Variants in ZFAND3 observed in about 807,000 individuals in gnomAD.
ZFAND3 encodes the protein AN1-type zinc finger protein 3.
Under a neutral mutation model 29.6 loss-of-function variants are expected in ZFAND3, and 10 were observed. The ratio of observed to expected loss-of-function variants is 0.34; its 90% CI spans 0.21 to 0.57. The LOEUF (loss-of-function observed/expected upper bound fraction) is 0.57. ZFAND3 is among the 20% of genes least tolerant of loss of function. The probability of loss-of-function intolerance (pLI) is 0.86; values close to 1 mark genes in which losing one functional copy is unlikely to be tolerated. For missense variants in ZFAND3, 230 were observed against 304.5 expected (o/e 0.76, Z 1.82); for synonymous variants, 128 against 112.6 (o/e 1.14, Z -0.87).
intron 1 of ZFAND3, among the ~76,000 whole-genome samples, chr6:37,844,424 G>T (rs1205571910): frequency 6.6e-6 from 1 of 151,960 alleles, no homozygotes; most frequent in Admixed American, 6.6e-5. Flanking sequence ...TGGGACTACA[G>T]GCGCCCGCCA....
At chr6:38,080,384 T>G (rs185054383) in intron 3 of ZFAND3, among the ~76,000 whole-genome samples, 1 of 152,134 alleles carries the variant, frequency 6.6e-6, no homozygotes, top group African/African-American at 2.4e-5. Context: ...TGAACGTTAT[T>G]AAGCATTCAC....
intron 2 of ZFAND3, among the ~76,000 whole-genome samples, chr6:37,933,556 T>G (rs1283620803): frequency 6.6e-6 from 1 of 152,136 alleles, no homozygotes; most frequent in African/African-American, 2.4e-5. Context: ...ATATGCAGAG[T>G]GACAGTTGCT....
At chr6:38,003,404 T>G (rs532499016) in intron 2 of ZFAND3, 1 of 156,734 alleles carries the variant, frequency 6.4e-6, no homozygotes, top group Non-Finnish European at 1.4e-5. Flanking sequence ...TTAATTTAGT[T>G]TATAATAATT....
intron 4 of ZFAND3, among the ~76,000 whole-genome samples, chr6:38,113,568 A>C (rs1172509604): frequency 6.6e-6 from 1 of 152,140 alleles, no homozygotes; most frequent in Non-Finnish European, 1.5e-5. Context: ...AGAGGTCAAG[A>C]CTGCACAGGC....
chr6:37,990,618 A>G (rs113140887), intron 2 of ZFAND3, among the ~76,000 whole-genome samples: 4,248 of 152,350 alleles, frequency 0.028, 93 homozygotes, highest in Non-Finnish European at 0.049. Flanking sequence ...AAATAAATGA[A>G]TAATTTTAAC....
chr6:37,900,114 AT>A (rs1299141456), intron 1 of ZFAND3, among the ~76,000 whole-genome samples: 22 of 152,166 alleles, frequency 1.4e-4, no homozygotes, highest in Non-Finnish European at 2.2e-4. Context: ...TTTTATGGAC[AT>A]TTAGGTTATT....
chr6:38,104,978 G>A (rs1275696428), intron 4 of ZFAND3, among the ~76,000 whole-genome samples: 1 of 152,154 alleles, frequency 6.6e-6, no homozygotes, highest in East Asian at 1.9e-4. Flanking sequence ...AAGGACTCTA[G>A]GCCAGGCTAC....
Position 37,914,672 on chromosome 6 carries a change from C to CTTTCTTTTTTTT in ZFAND3, c.72-15284_72-15283insCTTTTTTTTTTT, listed in dbSNP as rs1554157840. Among the ~76,000 whole-genome samples the CTTTCTTTTTTTT allele has an allele frequency of 8.8e-5, 10 of 114,228 alleles. 1 individual carries two copies. Among genetic ancestry groups the CTTTCTTTTTTTT allele is most frequent in the Non-Finnish European group, 1.8e-4 (10 of 56,590 alleles). 74.9% of individuals were successfully genotyped at this position (114,228 alleles called of 152,430 possible). A position where few individuals can be genotyped will look rare whatever the true frequency, so the allele number is the denominator to read the frequency against. Reference sequence around the variant, plus strand: ...TTTCTTTCTTTCTTTCTTTTTTTTTCTTTTTTTTTTAGTGGAGACGGGGTT... The same window carrying CTTTCTTTTTTTT: ...TTTCTTTCTTTCTTTCTTTTTTTTTCTTTCTTTTTTTTTTTTTTTTTTAGTGGAGACGGGGTT... On this transcript the variant is annotated intron_variant, in intron 1 of 5. Coordinates refer to ENST00000287218, the MANE Select transcript of ZFAND3 (RefSeq NM_021943.3).
intron 2 of ZFAND3, among the ~76,000 whole-genome samples, chr6:37,980,657 A>G (rs767481564): frequency 1.7e-4 from 26 of 152,208 alleles, no homozygotes; most frequent in Non-Finnish European, 3.1e-4. Flanking sequence ...GCAGTAAGGT[A>G]TTAACAGCTT....
At chr6:38,101,333 G>T (rs1295586935) in intron 4 of ZFAND3, among the ~76,000 whole-genome samples, 1 of 152,074 alleles carries the variant, frequency 6.6e-6, no homozygotes, top group Admixed American at 6.5e-5. Context: ...CATCAACACT[G>T]ACACAACCCT....
intron 2 of ZFAND3, among the ~76,000 whole-genome samples, chr6:37,935,562 A>G (rs537161883): frequency 6.6e-6 from 1 of 152,350 alleles, no homozygotes; most frequent in Admixed American, 6.5e-5. Context: ...TAGTATTTAA[A>G]AAATTCTGAG....
chr6:37,964,514 A>G (rs1345330004), intron 2 of ZFAND3, among the ~76,000 whole-genome samples: 1 of 152,234 alleles, frequency 6.6e-6, no homozygotes, highest in South Asian at 2.1e-4. Flanking sequence ...GTGACTGCAC[A>G]GCCCCTTAGA....
Position 37,929,848 on chromosome 6 carries a change from A to G in ZFAND3, c.72-111A>G, listed in dbSNP as rs1297965605. 1.4e-5 allele frequency: 13 copies of G among 952,224 alleles called. No homozygotes were observed. The South Asian group carries it at 2.5e-4, about 18-fold the overall frequency. 59.0% of individuals were successfully genotyped at this position (952,224 alleles called of 1,614,324 possible). On this transcript the variant is annotated intron_variant, in intron 1 of 5. Coordinates refer to ENST00000287218, the MANE Select transcript of ZFAND3 (RefSeq NM_021943.3). ...TATTAATTTATCAGTTTATTAGTTC[A>G]GTTGCCTGACCAGAAAGTTCTTTGC...
chr6:37,910,784 G>T (rs1237354476), intron 1 of ZFAND3, among the ~76,000 whole-genome samples: 1 of 152,106 alleles, frequency 6.6e-6, no homozygotes, highest in Non-Finnish European at 1.5e-5. Context: ...GCACATAAAT[G>T]AGATCATGTG....
At chr6:37,985,052 C>G (rs1046685654) in intron 2 of ZFAND3, among the ~76,000 whole-genome samples, 2 of 152,198 alleles carry the variant, frequency 1.3e-5, no homozygotes, top group Non-Finnish European at 2.9e-5. Context: ...TTTAGTTTCT[C>G]TCAGTCTTTA....
intron 1 of ZFAND3, among the ~76,000 whole-genome samples, chr6:37,847,329 A>G (rs1449087641): frequency 6.6e-6 from 1 of 152,082 alleles, no homozygotes; most frequent in East Asian, 1.9e-4. Flanking sequence ...TAATCCCAGC[A>G]CTATGGGAGG....
chr6:37,914,672 C>CTTTCTTTCTT (rs1554157840), intron 1 of ZFAND3, among the ~76,000 whole-genome samples: 4 of 114,228 alleles, frequency 3.5e-5, no homozygotes, highest in Admixed American at 1.7e-4. Flanking sequence ...CTTTTTTTTT[C>CTTTCTTTCTT]TTTTTTTTTT....
intron 3 of ZFAND3, among the ~76,000 whole-genome samples, chr6:38,076,701 T>G (rs1390537528): frequency 6.6e-6 from 1 of 152,228 alleles, no homozygotes; most frequent in African/African-American, 2.4e-5. Flanking sequence ...ATCTGTGTGT[T>G]GAAGAATTTC....
intron 1 of ZFAND3, among the ~76,000 whole-genome samples, chr6:37,928,660 G>A (rs1761535878): frequency 1.3e-5 from 2 of 152,026 alleles, no homozygotes; most frequent in Non-Finnish European, 2.9e-5. Context: ...AGCTACAGAC[G>A]TGTGCCACCT....
Sources: allele counts gnomAD v4.1 joint callset (sites outside exome capture counted in the v4.1 genomes callset), GRCh38; gene constraint gnomAD v4.1.1; transcripts MANE v1.5; gene names NCBI Gene and HGNC (gene_info 2026-07-23, HGNC 2026-07-21).